The following RFX3 variants were observed in gnomAD, a reference collection of about 807,000 sequenced individuals.
The protein encoded by RFX3 is transcription factor RFX3.
A neutral mutation model predicts 98.6 loss-of-function variants in RFX3; 14 were observed. That is an observed-to-expected ratio of 0.14 (90% CI 0.09 to 0.22). RFX3 has a LOEUF of 0.22. Among genes scored for constraint, RFX3 ranks in the 10% least tolerant of loss-of-function variants. The pLI is 1.00. For synonymous variants in RFX3, 383 were observed against 328.4 expected, an observed-to-expected ratio of 1.17 and a Z score of -1.80; for missense variants, 639 against 926.9, an observed-to-expected ratio of 0.69 and a Z score of 4.03.
intron 3 of RFX3, among the ~76,000 whole-genome samples, chr9:3,345,117 C>T (rs1834313044): frequency 6.6e-6 from 1 of 152,030 alleles, no homozygotes. Flanking sequence ...GATAATGTTG[C>T]CCTTTATAAG....
chr9:3,359,908 A>G (rs1836213548), intron 2 of RFX3, among the ~76,000 whole-genome samples: 1 of 152,188 alleles, frequency 6.6e-6, no homozygotes, highest in Non-Finnish European at 1.5e-5. Flanking sequence ...ATTAGTTGCT[A>G]CTATGTTAAA....
At chr9:3,424,421 G>A (rs1463604023) in intron 1 of RFX3, among the ~76,000 whole-genome samples, 2 of 139,522 alleles carry the variant, frequency 1.4e-5, no homozygotes, top group Non-Finnish European at 3.0e-5. Context: ...GAGTGCAGTG[G>A]CGCGATCTCG....
Position 3,418,014 on chromosome 9 carries a change from C to G in RFX3, c.-8-22418G>C, listed in dbSNP as rs7849840. The stretch of plus-strand genomic sequence containing the variant: ...CAAAATAGATATGCATATTTGTTGG[C>G]CTTTATCTGATTAATGTGAGCATTC... On this transcript the variant is annotated intron_variant, in intron 1 of 16. Coordinates refer to ENST00000617270, the MANE Select transcript of RFX3 (RefSeq NM_001282116.2). 9.6e-3 allele frequency among the ~76,000 whole-genome samples: 1,467 copies of G among 152,158 alleles called. 30 individuals are homozygous for G. The highest frequency in any genetic ancestry group is 0.034 in the African/African-American group (1,409 of 41,504).
chr9:3,411,962 G>GA (rs1842500672), intron 1 of RFX3, among the ~76,000 whole-genome samples: 1 of 151,994 alleles, frequency 6.6e-6, no homozygotes, highest in African/African-American at 2.4e-5. Flanking sequence ...TCACACATCT[G>GA]GACAACTACT....
chr9:3,262,843 G>A (rs1268408142), intron 13 of RFX3, 92 bp downstream of exon 13: 9 of 1,326,350 alleles, frequency 6.8e-6, no homozygotes, highest in Admixed American at 3.7e-5. Flanking sequence ...ATATATAGAT[G>A]AGACTTTGAA....
rs573540865 is a variant in RFX3, at chr9:3,340,735, C to A, written c.215+5932G>T. Reference sequence around the variant, plus strand: ...TCTCACACCAGTTAGAATGGCAATCCTTAAAAACTCAGGAAACAACAGGTG... The same window carrying A: ...TCTCACACCAGTTAGAATGGCAATCATTAAAAACTCAGGAAACAACAGGTG... On this transcript the variant is annotated intron_variant, in intron 3 of 16. Coordinates refer to ENST00000617270, the MANE Select transcript of RFX3 (RefSeq NM_001282116.2). Among the ~76,000 whole-genome samples, 34 of 152,136 alleles carry A rather than the reference C, an allele frequency of 2.2e-4. No homozygotes were observed. The South Asian group carries it at 2.5e-3, about 11-fold the overall frequency.
intron 16 of RFX3, among the ~76,000 whole-genome samples, chr9:3,227,405 TC>T (rs1479065607): frequency 6.6e-6 from 1 of 152,146 alleles, no homozygotes; most frequent in Non-Finnish European, 1.5e-5. Context: ...ATTCTCCAGG[TC>T]CTAAGGACAA....
At chr9:3,459,378 A>C (rs1184751671) in intron 1 of RFX3, among the ~76,000 whole-genome samples, 1 of 152,160 alleles carries the variant, frequency 6.6e-6, no homozygotes, top group Admixed American at 6.5e-5. Flanking sequence ...TTCTACCCCA[A>C]TCACATCTGT....
intron 1 of RFX3, among the ~76,000 whole-genome samples, chr9:3,487,491 A>G (rs180985171): frequency 1.6e-3 from 243 of 152,338 alleles, no homozygotes; most frequent in African/African-American, 5.7e-3. Context: ...GGAAAGCAAT[A>G]AAAGTAAAGT....
chr9:3,301,628 T>C lies in RFX3; in HGVS notation c.475-8A>G. 1 of 1,584,832 alleles carries C rather than the reference T, an allele frequency of 6.3e-7. No homozygotes were observed. The highest frequency in any genetic ancestry group is 8.6e-7 in the Non-Finnish European group (1 of 1,157,864). ...CTCAATCGCCATTTCAATCTGATAA[T>C]AGATGTCATTAAAAAAAGGGCTCAA... On this transcript the variant is annotated splice_polypyrimidine_tract_variant and splice_region_variant and intron_variant, in intron 4 of 16. Transcript: ENST00000617270.
chr9:3,302,205 C>T (rs1189790324), intron 4 of RFX3, among the ~76,000 whole-genome samples: 1 of 151,444 alleles, frequency 6.6e-6, no homozygotes, highest in Non-Finnish European at 1.5e-5. Flanking sequence ...AATGATGGTC[C>T]CTACATTATA....
At chr9:3,490,520 A>T (rs1850647954) in intron 1 of RFX3, among the ~76,000 whole-genome samples, 1 of 152,104 alleles carries the variant, frequency 6.6e-6, no homozygotes, top group South Asian at 2.1e-4. Context: ...ATATTTTTAG[A>T]TGTTTCTGAT....
chr9:3,222,694 A>G lies in RFX3; in HGVS notation c.*2348T>C, dbSNP rs1322408571. ...TTTTACCTGTAAACACTTCCTATGC[A>G]CAATGAAGTAGATACATGAACTTTT... On this transcript the variant is annotated 3_prime_UTR_variant, in exon 17 of 17. Coordinates refer to ENST00000617270, the MANE Select transcript of RFX3 (RefSeq NM_001282116.2). 3 of 152,146 alleles carry G rather than the reference A, an allele frequency of 2.0e-5. No individual in the cohort carries two copies. Among genetic ancestry groups the G allele is most frequent in the Non-Finnish European group, 4.4e-5 (3 of 68,012 alleles). 9.4% of individuals were successfully genotyped at this position (152,146 alleles called of 1,614,324 possible). A position where few individuals can be genotyped will look rare whatever the true frequency, so the allele number is the denominator to read the frequency against.
intron 9 of RFX3, 28 bp from the exon 10 acceptor site, chr9:3,271,146 C>G: frequency 6.3e-7 from 1 of 1,585,972 alleles, no homozygotes; most frequent in Non-Finnish European, 8.7e-7. Flanking sequence ...ACCAGTATTA[C>G]CTTACAATAT....
chr9:3,493,641 G>A (rs1027660199), intron 1 of RFX3, among the ~76,000 whole-genome samples: 5 of 142,174 alleles, frequency 3.5e-5, no homozygotes, highest in South Asian at 4.4e-4. Flanking sequence ...CCAAGATGGC[G>A]CCACTGCACT....
At chr9:3,268,839 C>T (rs1355630056) in intron 11 of RFX3, among the ~76,000 whole-genome samples, 3 of 151,890 alleles carry the variant, frequency 2.0e-5, no homozygotes. Context: ...TTAATGAATA[C>T]TGATGTTGTT....
At chr9:3,340,306 G>C (rs1389023705) in intron 3 of RFX3, among the ~76,000 whole-genome samples, 1 of 152,148 alleles carries the variant, frequency 6.6e-6, no homozygotes, top group Non-Finnish European at 1.5e-5. Context: ...AACCCTAGAA[G>C]AAAACCTGGG....
At chr9:3,411,646 TTGTG>T (rs1302140283) in intron 1 of RFX3, among the ~76,000 whole-genome samples, 1 of 151,240 alleles carries the variant, frequency 6.6e-6, no homozygotes, top group Non-Finnish European at 1.5e-5. Context: ...CAGCTAATTT[TTGTG>T]TGTGTGTGTT....
At position 3,293,957 on chromosome 9, in the gene RFX3, G is replaced by C. The variant is rs1827693960; in HGVS notation, c.550-699C>G. On this transcript the variant is annotated intron_variant, in intron 5 of 16. Coordinates refer to ENST00000617270, the MANE Select transcript of RFX3 (RefSeq NM_001282116.2). Reference sequence around the variant, plus strand: ...AAAACTGTGTTTATTCATTATTCTGGAAGGCACACTGCAATGATAGTTGGT... The same window carrying C: ...AAAACTGTGTTTATTCATTATTCTGCAAGGCACACTGCAATGATAGTTGGT... Among the ~76,000 whole-genome samples the C allele has an allele frequency of 2.0e-5, 3 of 151,908 alleles. No homozygotes were observed. In the South Asian group the frequency reaches 6.2e-4, roughly 32 times the overall value.
Sources: gnomAD v4.1 joint callset for allele counts (sites outside exome capture counted in the v4.1 genomes callset) on GRCh38, gnomAD v4.1.1 for gene constraint, MANE v1.5 for transcripts, NCBI Gene and HGNC (gene_info 2026-07-23, HGNC 2026-07-21) for gene names.